The following FAM13B variants were observed in gnomAD, a reference collection of about 807,000 sequenced individuals.
FAM13B encodes the protein family with sequence similarity 13 member B, also known as protein FAM13B.
Under a neutral mutation model 117.3 loss-of-function variants are expected in FAM13B, and 60 were observed. The observed-to-expected ratio is 0.51, with a 90% CI of 0.42 to 0.63. The LOEUF (loss-of-function observed/expected upper bound fraction) is 0.63, where lower values mean the gene tolerates loss of function less well. Ranked by LOEUF, FAM13B falls within the 30% of genes least tolerant of loss-of-function variation. The probability of loss-of-function intolerance (pLI) is 0.00; values close to 1 mark genes in which losing one functional copy is unlikely to be tolerated. For synonymous variants in FAM13B, 332 were observed against 356.1 expected (o/e 0.93, Z 0.76); for missense variants, 972 against 1,091.9 (o/e 0.89, Z 1.55).
intron 7 of FAM13B, among the ~76,000 whole-genome samples, chr5:137,992,310 A>G (rs974127929): frequency 6.6e-6 from 1 of 151,430 alleles, no homozygotes; most frequent in Admixed American, 6.6e-5. Context: ...AAAAAAAAAA[A>G]AGGCCAGGTG....
At chr5:138,048,725 T>C (rs901598178) in intron 1 of FAM13B, among the ~76,000 whole-genome samples, 3 of 152,190 alleles carry the variant, frequency 2.0e-5, no homozygotes, top group African/African-American at 7.2e-5. Context: ...AGAAGGTATA[T>C]AGGGTTTGTT....
intron 10 of FAM13B, among the ~76,000 whole-genome samples, chr5:137,965,438 A>T (rs888154807): frequency 4.6e-5 from 7 of 152,180 alleles, no homozygotes; most frequent in African/African-American, 1.7e-4. Context: ...TTAAAACCTG[A>T]CAGGCATTTC....
chr5:137,966,932 T>A (rs1007929397), intron 10 of FAM13B, among the ~76,000 whole-genome samples: 1 of 152,200 alleles, frequency 6.6e-6, no homozygotes, highest in Admixed American at 6.5e-5. Flanking sequence ...GGTAAACATG[T>A]AGGACAAACA....
In FAM13B at chr5:137,987,443, C is replaced by G; in HGVS notation, c.1046+18G>C. 1.3e-6 allele frequency: 2 copies of G among 1,590,736 alleles called. No homozygotes were observed. Among genetic ancestry groups the G allele is most frequent in the Non-Finnish European group, 1.7e-6 (2 of 1,166,704 alleles). On this transcript the variant is annotated intron_variant, in intron 9 of 23. Transcript: ENST00000689681. ...CAATTTTATAACATTTAATAAACAACAGTAAAATGTTTCTTACTGGTTATT... is the reference window on the plus strand; with the variant it reads ...CAATTTTATAACATTTAATAAACAAGAGTAAAATGTTTCTTACTGGTTATT...
rs760795704 is a variant in FAM13B, at chr5:137,952,695, A to G, written c.1863T>C (p.Asp621=). ...RERNSKPSYS[D]IAANPKVLKW... ...TTAATACCTTTGGATTGGCAGCAAT[A>G]TCACTGTAGGAGGGCTGAAAAATTA... Residue 621 remains aspartate (D), a synonymous_variant, in exon 17 of 24, where the codon GAT becomes GAC. Coordinates refer to ENST00000689681, the MANE Select transcript of FAM13B (RefSeq NM_001385994.1). 7.5e-6 allele frequency: 12 copies of G among 1,604,966 alleles called. No homozygotes were observed. Among genetic ancestry groups the G allele is most frequent in the Non-Finnish European group, 1.0e-5 (12 of 1,175,424 alleles).
intron 10 of FAM13B, among the ~76,000 whole-genome samples, chr5:137,966,488 T>TAGAGAGATAGAGAGAGAGAG (rs1769937480): frequency 3.4e-5 from 1 of 29,470 alleles, no homozygotes; most frequent in Non-Finnish European, 6.1e-5. Context: ...TATATATATA[T>TAGAGAGATAGAGAGAGAGAG]AGAGAGAGAG....
At chr5:137,991,754 C>A (rs907429533) in intron 7 of FAM13B, among the ~76,000 whole-genome samples, 1 of 152,150 alleles carries the variant, frequency 6.6e-6, no homozygotes, top group African/African-American at 2.4e-5. Flanking sequence ...CCCAACCTCA[C>A]ACATGAGAGA....
chr5:137,941,692 A>C (rs1124472), intron 23 of FAM13B, among the ~76,000 whole-genome samples: 5,000 of 152,344 alleles, frequency 0.033, 124 homozygotes, highest in Middle Eastern at 0.054. Flanking sequence ...TAAAGAATAT[A>C]AAATCACTGC....
At chr5:138,022,660 G>A (rs1787073502) in intron 1 of FAM13B, among the ~76,000 whole-genome samples, 1 of 152,124 alleles carries the variant, frequency 6.6e-6, no homozygotes, top group Non-Finnish European at 1.5e-5. Context: ...TTATTTAACA[G>A]ACTTACACTA....
At chr5:138,031,043 A>G (rs1284740766) in intron 1 of FAM13B, among the ~76,000 whole-genome samples, 1 of 152,056 alleles carries the variant, frequency 6.6e-6, no homozygotes, top group African/African-American at 2.4e-5. Context: ...AAAAAAAAAC[A>G]AAACAGTAAT....
intron 10 of FAM13B, among the ~76,000 whole-genome samples, chr5:137,968,432 C>G (rs964423340): frequency 1.8e-4 from 26 of 141,874 alleles, no homozygotes; most frequent in African/African-American, 6.3e-4. Context: ...GACTGAGACT[C>G]TGTCTCAAAA....
rs199963930 is a variant in FAM13B at position 138,022,539 on chromosome 5, CTT to C, written c.-202-1344_-202-1343del. Among the ~76,000 whole-genome samples the C allele has an allele frequency of 8.4e-3, 1,275 of 152,292 alleles. 19 individuals are homozygous for C. The highest frequency in any genetic ancestry group is 0.029 in the African/African-American group (1,207 of 41,556). On this transcript the variant is annotated intron_variant, in intron 1 of 23. Transcript: ENST00000689681. ...GGAAAACCACATTCCCATAACAAATCTTTTAGTTGATTATTAGTTGCAAAACA... is the reference window on the plus strand; with the variant it reads ...GGAAAACCACATTCCCATAACAAATCTTAGTTGATTATTAGTTGCAAAACA...
At chr5:137,996,886 C>T (rs923690966) in intron 7 of FAM13B, among the ~76,000 whole-genome samples, 1 of 152,176 alleles carries the variant, frequency 6.6e-6, no homozygotes, top group African/African-American at 2.4e-5. Context: ...AGCCACTGAG[C>T]CCAGCCCAAT....
At chr5:137,942,131 A>G in intron 22 of FAM13B, 86 bp from the exon 23 acceptor site, 1 of 1,145,304 alleles carries the variant, frequency 8.7e-7, no homozygotes, top group African/African-American at 1.5e-5. Flanking sequence ...GCAAATTAAA[A>G]GTGGCTGGGG....
chr5:137,960,837 C>T (rs36113880), intron 11 of FAM13B, among the ~76,000 whole-genome samples: 5,143 of 152,198 alleles, frequency 0.034, 125 homozygotes, highest in Middle Eastern at 0.054. Context: ...AGCAAGCTGT[C>T]GTAAGTGATC....
chr5:137,946,142 C>T (rs1475974460), intron 19 of FAM13B, 86 bp downstream of exon 19: 1 of 1,319,654 alleles, frequency 7.6e-7, no homozygotes, highest in Non-Finnish European at 1.1e-6. Context: ...GCTCAAAAAA[C>T]AGCCCTGAAG....
At chr5:137,946,105 G>T in intron 19 of FAM13B, 108 bp from the exon 20 acceptor site, 2 of 1,225,140 alleles carry the variant, frequency 1.6e-6, no homozygotes, top group South Asian at 1.3e-5. Flanking sequence ...TAAATACATA[G>T]GCAATCCCCC....
At chr5:137,987,377 A>G in intron 9 of FAM13B, 84 bp downstream of exon 9, 1 of 1,224,568 alleles carries the variant, frequency 8.2e-7, no homozygotes, top group Non-Finnish European at 1.1e-6. Flanking sequence ...AAGAAAGATG[A>G]GATCCTGTTA....
intron 10 of FAM13B, among the ~76,000 whole-genome samples, chr5:137,981,393 A>G (rs900052415): frequency 1.3e-5 from 2 of 152,118 alleles, no homozygotes; most frequent in Non-Finnish European, 2.9e-5. Context: ...GGTTACAGTG[A>G]GTATGATCAT....
Sources: gnomAD v4.1 joint callset for allele counts (sites outside exome capture counted in the v4.1 genomes callset) on GRCh38, gnomAD v4.1.1 for gene constraint, MANE v1.5 for transcripts, NCBI Gene and HGNC (gene_info 2026-07-23, HGNC 2026-07-21) for gene names.